The following CECR2 variants were observed in gnomAD, a reference collection of about 807,000 sequenced individuals.
CECR2 encodes CECR2 histone acetyl-lysine reader.
In CECR2, 30 loss-of-function variants were observed where a neutral mutation model predicts 154.5. The observed-to-expected ratio is 0.19, with a 90% CI of 0.15 to 0.26. The LOEUF (loss-of-function observed/expected upper bound fraction) is 0.26. Ranked by LOEUF, CECR2 falls within the 10% of genes least tolerant of loss-of-function variation. The pLI is 1.00. For synonymous variants in CECR2, 725 were observed against 683.7 expected, an observed-to-expected ratio of 1.06 and a Z score of -0.94; for missense variants, 1,743 against 1,829.3, an observed-to-expected ratio of 0.95 and a Z score of 0.86.
At chr22:17,490,986 T>C (rs538247227) in intron 2 of CECR2, among the ~76,000 whole-genome samples, 94 of 152,330 alleles carry the variant, frequency 6.2e-4, no homozygotes, top group Non-Finnish European at 1.2e-3. Flanking sequence ...GGAAGTGTCC[T>C]TTTGTATCTG....
intron 6 of CECR2, 131 bp downstream of exon 6, chr22:17,503,262 C>A: frequency 4.1e-6 from 3 of 734,380 alleles, no homozygotes; most frequent in Non-Finnish European, 6.8e-6. Context: ...CCCCTGTACT[C>A]TTCTTCAGTT....
rs532821898 is a variant in CECR2, at chr22:17,404,116, G to A, written c.126+34207G>A. ...CTGCTAAAAATAACAAAAATTAGCC[G>A]GGCGTCATGTTGCACGTCTGTACTC... On this transcript the variant is annotated intron_variant, in intron 1 of 18. Coordinates refer to ENST00000262608, the MANE Select transcript of CECR2 (RefSeq NM_001290047.2). 5.3e-5 allele frequency among the ~76,000 whole-genome samples: 8 copies of A among 151,368 alleles called. No homozygotes were observed. In the South Asian group the frequency reaches 6.3e-4, roughly 12 times the overall value.
intron 1 of CECR2, among the ~76,000 whole-genome samples, chr22:17,459,885 G>A (rs1466884802): frequency 6.6e-6 from 1 of 152,174 alleles, no homozygotes; most frequent in African/African-American, 2.4e-5. Flanking sequence ...AACTCCTTAA[G>A]CTGAGCATGT....
intron 1 of CECR2, among the ~76,000 whole-genome samples, chr22:17,381,679 G>A (rs1047936707): frequency 2.0e-5 from 3 of 152,122 alleles, no homozygotes; most frequent in Non-Finnish European, 4.4e-5. Flanking sequence ...TGCCCTGGGG[G>A]AATTTGTCTG....
At chr22:17,547,482 G>A (rs777280519) in intron 16 of CECR2, among the ~76,000 whole-genome samples, 11 of 152,060 alleles carry the variant, frequency 7.2e-5, no homozygotes, top group Non-Finnish European at 1.5e-4. Flanking sequence ...TGCCCGCCTC[G>A]GCCTCCCAAA....
At chr22:17,406,502 G>A (rs184697098) in intron 1 of CECR2, among the ~76,000 whole-genome samples, 24 of 152,212 alleles carry the variant, frequency 1.6e-4, no homozygotes, top group Non-Finnish European at 2.5e-4. Context: ...CACCCTGGGG[G>A]GTGACAGAAC....
At position 17,556,540 on chromosome 22, in the gene CECR2, G is replaced by T. The variant is rs1219145258; in HGVS notation, c.*3700G>T. The T allele has an allele frequency of 6.6e-6, 1 of 151,920 alleles. No individual in the cohort carries two copies. Among genetic ancestry groups the T allele is most frequent in the East Asian group, 1.9e-4 (1 of 5,184 alleles). The allele number at this position is 151,920 out of a possible 1,614,324, so 9.4% of individuals were successfully genotyped here. A position where few individuals can be genotyped will look rare whatever the true frequency, so the allele number is the denominator to read the frequency against. On this transcript the variant is annotated 3_prime_UTR_variant, in exon 19 of 19. Transcript: ENST00000262608. ...CACCACAGCTGTCAGAAACAAGTTT[G>T]CAATCCATACTTCTTGGTTCAATTT... is the stretch of plus-strand genomic sequence containing the variant.
chr22:17,463,283 A>G (rs995869633), intron 1 of CECR2, among the ~76,000 whole-genome samples: 10 of 152,198 alleles, frequency 6.6e-5, no homozygotes, highest in African/African-American at 2.4e-4. Context: ...GTGAGGTCTT[A>G]GAGGTCATAT....
chr22:17,461,555 C>T (rs2054937889), intron 1 of CECR2, among the ~76,000 whole-genome samples: 2 of 152,172 alleles, frequency 1.3e-5, no homozygotes, highest in Non-Finnish European at 2.9e-5. Flanking sequence ...AGTTTGATGG[C>T]TTTCGTTATC....
At chr22:17,465,734 C>T (rs1316756400) in intron 1 of CECR2, among the ~76,000 whole-genome samples, 1 of 152,128 alleles carries the variant, frequency 6.6e-6, no homozygotes, top group Non-Finnish European at 1.5e-5. Flanking sequence ...CCCCCCGCCT[C>T]AGCCTCCCAA....
intron 1 of CECR2, among the ~76,000 whole-genome samples, chr22:17,387,197 C>T (rs2063273261): frequency 6.6e-6 from 1 of 152,140 alleles, no homozygotes; most frequent in African/African-American, 2.4e-5. Flanking sequence ...CAACAGAAAG[C>T]CTTCTTTTGT....
chr22:17,423,830 G>A (rs1331490815), intron 1 of CECR2, among the ~76,000 whole-genome samples: 1 of 152,114 alleles, frequency 6.6e-6, no homozygotes, highest in African/African-American at 2.4e-5. Flanking sequence ...ATCTCTTTGA[G>A]GAATCTGAGA....
chr22:17,396,554 A>C (rs1284456131), intron 1 of CECR2, among the ~76,000 whole-genome samples: 1 of 151,284 alleles, frequency 6.6e-6, no homozygotes, highest in Non-Finnish European at 1.5e-5. Flanking sequence ...CTCAAAAAAC[A>C]AACAAACTGT....
At chr22:17,508,811 C>T (rs2055891073) in intron 7 of CECR2, among the ~76,000 whole-genome samples, 1 of 152,168 alleles carries the variant, frequency 6.6e-6, no homozygotes, top group African/African-American at 2.4e-5. Flanking sequence ...TAACACATGA[C>T]TGCGTGTCAG....
intron 7 of CECR2, among the ~76,000 whole-genome samples, chr22:17,505,534 C>CTTTTTTTTTTTTTTTTT (rs11387639): frequency 2.0e-5 from 2 of 98,838 alleles, no homozygotes; most frequent in African/African-American, 8.3e-5. Context: ...CCTCTTTTTC[C>CTTTTTTTTTTTTTTTTT]TTTTTTTTTT....
chr22:17,361,323 C>G (rs1222810327), intron 1 of CECR2, among the ~76,000 whole-genome samples: 1 of 152,064 alleles, frequency 6.6e-6, no homozygotes, highest in Non-Finnish European at 1.5e-5. Context: ...CCCATCTCTG[C>G]TAAAAATACA....
At chr22:17,362,476 G>C (rs1262809737) in intron 1 of CECR2, among the ~76,000 whole-genome samples, 1 of 152,134 alleles carries the variant, frequency 6.6e-6, no homozygotes, top group African/African-American at 2.4e-5. Flanking sequence ...TCCCAACCGA[G>C]ATGTCCTGTA....
chr22:17,554,679 G>A lies in CECR2; in HGVS notation c.*1839G>A, dbSNP rs1434642272. ...AAAATACAGATTTTCTCTCAGAGAGGTTTTAATTTTAAATTTGATGTATTT... is the reference window on the plus strand; with the variant it reads ...AAAATACAGATTTTCTCTCAGAGAGATTTTAATTTTAAATTTGATGTATTT... On this transcript the variant is annotated 3_prime_UTR_variant, in exon 19 of 19. Coordinates refer to ENST00000262608, the MANE Select transcript of CECR2 (RefSeq NM_001290047.2). The A allele has an allele frequency of 6.6e-6, 1 of 152,172 alleles. No homozygotes were observed. Among genetic ancestry groups the A allele is most frequent in the Non-Finnish European group, 1.5e-5 (1 of 68,020 alleles). The allele number at this position is 152,172 out of a possible 1,614,324, so 9.4% of individuals were successfully genotyped here.
intron 1 of CECR2, among the ~76,000 whole-genome samples, chr22:17,361,256 G>A (rs1426461914): frequency 6.6e-6 from 1 of 152,188 alleles, no homozygotes; most frequent in East Asian, 1.9e-4. Flanking sequence ...GGGAGGCCGA[G>A]GTGGGCATAT....
Sources: gnomAD v4.1 joint callset for allele counts (sites outside exome capture counted in the v4.1 genomes callset) on GRCh38, gnomAD v4.1.1 for gene constraint, MANE v1.5 for transcripts, NCBI Gene and HGNC (gene_info 2026-07-23, HGNC 2026-07-21) for gene names.